The following LDLRAD3 variants were observed in gnomAD, a reference collection of about 807,000 sequenced individuals.
LDLRAD3 encodes low-density lipoprotein receptor class A domain-containing protein 3.
A neutral mutation model predicts 29.4 loss-of-function variants in LDLRAD3; 20 were observed. The ratio of observed to expected loss-of-function variants is 0.68; its 90% CI spans 0.48 to 0.99. The LOEUF is 0.99. Among genes scored for constraint, LDLRAD3 ranks in the 50% least tolerant of loss-of-function variants. LDLRAD3 has a pLI of 0.00. For missense variants in LDLRAD3, 420 were observed against 454.3 expected (o/e 0.92, Z 0.69); for synonymous variants, 157 against 192.7 (o/e 0.81, Z 1.53).
intron 4 of LDLRAD3, among the ~76,000 whole-genome samples, chr11:36,134,233 T>G (rs1368581897): frequency 6.6e-6 from 1 of 152,164 alleles, no homozygotes; most frequent in African/African-American, 2.4e-5. Context: ...GGGGATACAT[T>G]GAAATGCATT....
At chr11:36,147,024 G>C (rs563492066) in intron 4 of LDLRAD3, among the ~76,000 whole-genome samples, 1 of 149,430 alleles carries the variant, frequency 6.7e-6, no homozygotes, top group Non-Finnish European at 1.5e-5. Flanking sequence ...TCCTAACCTC[G>C]AGTGACCCAC....
At chr11:35,973,869 T>G (rs1851446130) in intron 1 of LDLRAD3, among the ~76,000 whole-genome samples, 1 of 152,204 alleles carries the variant, frequency 6.6e-6, no homozygotes, top group South Asian at 2.1e-4. Context: ...TTTTTCCCAT[T>G]GCTTTTCAAT....
intron 4 of LDLRAD3, among the ~76,000 whole-genome samples, chr11:36,205,992 C>T (rs1855202116): frequency 6.6e-6 from 1 of 152,188 alleles, no homozygotes; most frequent in Admixed American, 6.5e-5. Flanking sequence ...GAAGTATCAC[C>T]AGAAGAAGCA....
intron 2 of LDLRAD3, among the ~76,000 whole-genome samples, chr11:36,064,170 A>G (rs1391739850): frequency 6.6e-6 from 1 of 152,166 alleles, no homozygotes; most frequent in Non-Finnish European, 1.5e-5. Context: ...TTTTGATACT[A>G]TTGGAAATGG....
chr11:36,226,531 A>G (rs961513347), intron 4 of LDLRAD3, among the ~76,000 whole-genome samples: 1 of 152,162 alleles, frequency 6.6e-6, no homozygotes, highest in Non-Finnish European at 1.5e-5. Context: ...CTTAATTGAG[A>G]TATTATTTGC....
intron 1 of LDLRAD3, among the ~76,000 whole-genome samples, chr11:36,000,556 G>A (rs1004839935): frequency 2.0e-5 from 3 of 152,100 alleles, no homozygotes; most frequent in African/African-American, 7.2e-5. Flanking sequence ...CTGGTTCCAT[G>A]AGCATTTATT....
chr11:36,197,272 CG>C (rs1319178517), intron 4 of LDLRAD3: 1 of 152,174 alleles, frequency 6.6e-6, no homozygotes, highest in Non-Finnish European at 1.5e-5. Flanking sequence ...CATCCAAACA[CG>C]GAGATGACTT....
intron 4 of LDLRAD3, among the ~76,000 whole-genome samples, chr11:36,156,216 G>C (rs1854349335): frequency 6.6e-6 from 1 of 152,240 alleles, no homozygotes; most frequent in Admixed American, 6.5e-5. Flanking sequence ...AAGACCGCCA[G>C]TAGTTGGCAG....
chr11:35,979,694 G>C (rs1397723541), intron 1 of LDLRAD3, among the ~76,000 whole-genome samples: 1 of 152,214 alleles, frequency 6.6e-6, no homozygotes, highest in Non-Finnish European at 1.5e-5. Flanking sequence ...TTAAAATCGA[G>C]TTAGGTTAGT....
chr11:36,201,855 A>C (rs1855131424), intron 4 of LDLRAD3, among the ~76,000 whole-genome samples: 1 of 152,146 alleles, frequency 6.6e-6, no homozygotes, highest in Non-Finnish European at 1.5e-5. Context: ...CTCTTCCTTT[A>C]ATTTTCAGAT....
intron 4 of LDLRAD3, among the ~76,000 whole-genome samples, chr11:36,121,503 G>A (rs963635466): frequency 6.6e-6 from 1 of 152,178 alleles, no homozygotes. Context: ...CTGTAAAACA[G>A]CAAGGGCCCA....
intron 4 of LDLRAD3, among the ~76,000 whole-genome samples, chr11:36,149,940 C>G (rs1854253743): frequency 6.6e-6 from 1 of 152,212 alleles, no homozygotes; most frequent in Non-Finnish European, 1.5e-5. Context: ...CCCTGGGTCT[C>G]TCTTACAGCA....
chr11:35,986,097 A>G (rs1383415164), intron 1 of LDLRAD3, among the ~76,000 whole-genome samples: 1 of 151,180 alleles, frequency 6.6e-6, no homozygotes, highest in Non-Finnish European at 1.5e-5. Context: ...TATCCCAAGC[A>G]TTTGTTGGAT....
intron 1 of LDLRAD3, among the ~76,000 whole-genome samples, chr11:35,982,978 C>T (rs558352871): frequency 2.1e-4 from 32 of 151,646 alleles, no homozygotes; most frequent in Non-Finnish European, 4.0e-4. Flanking sequence ...CTCAGCCTCC[C>T]GAGTTGCTGG....
intron 2 of LDLRAD3, among the ~76,000 whole-genome samples, chr11:36,057,194 A>G (rs1218204136): frequency 1.3e-5 from 2 of 152,134 alleles, no homozygotes; most frequent in Non-Finnish European, 2.9e-5. Context: ...GAACCACACT[A>G]TGAGAAACGC....
chr11:35,968,649 C>T (rs972690667), intron 1 of LDLRAD3: 3 of 162,498 alleles, frequency 1.8e-5, no homozygotes, highest in African/African-American at 7.2e-5. Context: ...TGAGTCTCTT[C>T]TTCCAAACAG....
At chr11:36,170,804 CT>C (rs763207036) in intron 4 of LDLRAD3, among the ~76,000 whole-genome samples, 3,250 of 138,244 alleles carry the variant, frequency 0.024, 79 homozygotes, top group African/African-American at 0.076. Flanking sequence ...TGTATATCTT[CT>C]TTTTTTTTTT....
intron 4 of LDLRAD3, among the ~76,000 whole-genome samples, chr11:36,151,533 G>A (rs1440524621): frequency 2.0e-5 from 3 of 152,116 alleles, no homozygotes; most frequent in Non-Finnish European, 4.4e-5. Context: ...AATTGGGCTG[G>A]GCTGTAGTCA....
At chr11:36,039,073 C>T (rs1333209226) in intron 2 of LDLRAD3, among the ~76,000 whole-genome samples, 4 of 151,642 alleles carry the variant, frequency 2.6e-5, no homozygotes, top group Non-Finnish European at 1.5e-5. Flanking sequence ...GGGTTCACGC[C>T]ATTCTCTCGC....
Sources: allele counts gnomAD v4.1 joint callset (sites outside exome capture counted in the v4.1 genomes callset), GRCh38; gene constraint gnomAD v4.1.1; transcripts MANE v1.5; gene names NCBI Gene and HGNC (gene_info 2026-07-23, HGNC 2026-07-21).